Variants in SEMA5A observed in about 807,000 individuals in gnomAD.
SEMA5A encodes the protein semaphorin-5A.
In SEMA5A, 55 loss-of-function variants were observed where a neutral mutation model predicts 135.5. That is an observed-to-expected ratio of 0.41 (90% CI 0.33 to 0.51). SEMA5A has a LOEUF of 0.51. Among genes scored for constraint, SEMA5A ranks in the 20% least tolerant of loss-of-function variants. The probability of loss-of-function intolerance (pLI) is 0.37; values close to 1 mark genes in which losing one functional copy is unlikely to be tolerated. For missense variants in SEMA5A, 1,290 were observed against 1,419.9 expected, an observed-to-expected ratio of 0.91 and a Z score of 1.47; for synonymous variants, 580 against 546.5, an observed-to-expected ratio of 1.06 and a Z score of -0.85.
At chr5:9,438,106 G>A (rs1396612488) in intron 1 of SEMA5A, among the ~76,000 whole-genome samples, 1 of 152,162 alleles carries the variant, frequency 6.6e-6, no homozygotes, top group Non-Finnish European at 1.5e-5. Flanking sequence ...GTTAACAGAT[G>A]AAATAACTCT....
rs1355920860 is a variant in SEMA5A at position 9,384,998 on chromosome 5, T to C, written c.-77-4975A>G. Among the ~76,000 whole-genome samples the C allele has an allele frequency of 3.9e-5, 6 of 152,184 alleles. No homozygotes were observed. In the East Asian group the frequency reaches 1.2e-3, roughly 29 times the overall value. ...AGTTCTATCATCATTCAACCAACTC[T>C]AGAAAAATAAAAATATATTACGTGA... On this transcript the variant is annotated intron_variant, in intron 2 of 22. Coordinates refer to ENST00000382496, the MANE Select transcript of SEMA5A (RefSeq NM_003966.3).
chr5:9,525,218 A>G (rs1038718567), intron 1 of SEMA5A, among the ~76,000 whole-genome samples: 21 of 152,216 alleles, frequency 1.4e-4, no homozygotes, highest in African/African-American at 5.1e-4. Context: ...TCACGCTACA[A>G]CAGCAGAACT....
At chr5:9,187,446 G>A in intron 11 of SEMA5A, among the ~76,000 whole-genome samples, 1 of 152,152 alleles carries the variant, frequency 6.6e-6, no homozygotes, top group East Asian at 1.9e-4. Flanking sequence ...TTTTGTACCT[G>A]CCCTGGGTCA....
At position 9,347,740 on chromosome 5, in the gene SEMA5A, G is replaced by C. The variant is rs572700437; in HGVS notation, c.125-9928C>G. 4.3e-4 allele frequency among the ~76,000 whole-genome samples: 65 copies of C among 152,240 alleles called. 1 individual carries two copies. In the South Asian group the frequency reaches 0.01, roughly 24 times the overall value. ...GGCTGCTGGGGCAGGCGGCAGACAGGCTTCATGTCCAGAAGGGACTCCTGT... is the reference window on the plus strand; with the variant it reads ...GGCTGCTGGGGCAGGCGGCAGACAGCCTTCATGTCCAGAAGGGACTCCTGT... On this transcript the variant is annotated intron_variant, in intron 3 of 22. Coordinates refer to ENST00000382496, the MANE Select transcript of SEMA5A (RefSeq NM_003966.3).
At chr5:9,202,895 C>A (rs916340495) in intron 8 of SEMA5A, among the ~76,000 whole-genome samples, 1 of 152,006 alleles carries the variant, frequency 6.6e-6, no homozygotes. Flanking sequence ...CTGGGTAAAC[C>A]ATTTAGAGGA....
intron 3 of SEMA5A, among the ~76,000 whole-genome samples, chr5:9,371,066 C>A (rs1215274969): frequency 6.6e-6 from 1 of 152,122 alleles, no homozygotes; most frequent in Non-Finnish European, 1.5e-5. Context: ...AATCCTTATT[C>A]CCAGTTTTAA....
chr5:9,120,019 CTG>C, intron 14 of SEMA5A, among the ~76,000 whole-genome samples: 1 of 152,010 alleles, frequency 6.6e-6, no homozygotes, highest in Non-Finnish European at 1.5e-5. Context: ...TGTATTCAGA[CTG>C]GTTATAATTT....
At chr5:9,385,618 G>A (rs1173844099) in intron 2 of SEMA5A, among the ~76,000 whole-genome samples, 1 of 152,114 alleles carries the variant, frequency 6.6e-6, no homozygotes, top group Non-Finnish European at 1.5e-5. Flanking sequence ...TAGTGAGGTG[G>A]CCTCAGAGAT....
chr5:9,157,460 G>T (rs577282169), intron 11 of SEMA5A, among the ~76,000 whole-genome samples: 1 of 152,220 alleles, frequency 6.6e-6, no homozygotes, highest in Non-Finnish European at 1.5e-5. Context: ...CTTGTCTAAG[G>T]GACAGCAGCA....
At chr5:9,141,998 T>C (rs1742089207) in intron 12 of SEMA5A, among the ~76,000 whole-genome samples, 1 of 152,222 alleles carries the variant, frequency 6.6e-6, no homozygotes. Flanking sequence ...CATGTATCAA[T>C]TCAGCACATA....
chr5:9,393,606 T>C (rs1488410120), intron 2 of SEMA5A, among the ~76,000 whole-genome samples: 1 of 152,214 alleles, frequency 6.6e-6, no homozygotes, highest in Non-Finnish European at 1.5e-5. Flanking sequence ...GACCACTTAC[T>C]GGCAATTACG....
intron 14 of SEMA5A, among the ~76,000 whole-genome samples, chr5:9,121,856 C>T (rs970756003): frequency 1.1e-4 from 17 of 152,186 alleles, no homozygotes; most frequent in Admixed American, 1.1e-3. Flanking sequence ...GACCTGGGCT[C>T]TCCTACAATT....
At chr5:9,476,126 CA>C (rs2126766371) in intron 1 of SEMA5A, among the ~76,000 whole-genome samples, 2 of 152,292 alleles carry the variant, frequency 1.3e-5, no homozygotes, top group Non-Finnish European at 2.9e-5. Context: ...AAAGGCCGTA[CA>C]TTACTCTGTG....
At chr5:9,313,510 C>G (rs1334435340) in intron 5 of SEMA5A, among the ~76,000 whole-genome samples, 1 of 152,124 alleles carries the variant, frequency 6.6e-6, no homozygotes, top group Non-Finnish European at 1.5e-5. Context: ...TACTAAGGGA[C>G]AGAAACTTGT....
At chr5:9,289,310 A>G (rs1750955241) in intron 5 of SEMA5A, among the ~76,000 whole-genome samples, 1 of 152,234 alleles carries the variant, frequency 6.6e-6, no homozygotes, top group African/African-American at 2.4e-5. Flanking sequence ...TAGTGCAATA[A>G]TTTATGATAG....
Position 9,119,071 on chromosome 5 carries a change from GCACCTGGAAGCCGATCC to G in SEMA5A, c.1835_1851del (p.Gly612AlafsTer29). On this transcript the variant is annotated frameshift_variant, in exon 15 of 23. Coordinates refer to ENST00000382496, the MANE Select transcript of SEMA5A (RefSeq NM_003966.3). LOFTEE classifies it high-confidence loss of function. Reference sequence around the variant, plus strand: ...GTGGGGTTGCTGCAGGAGCGCTGCCGCACCTGGAAGCCGATCCCACAGGTAGTGCTGCAGGGAGACCA... The same window carrying G: ...GTGGGGTTGCTGCAGGAGCGCTGCCGCACAGGTAGTGCTGCAGGGAGACCA... 6.2e-7 allele frequency: 1 copy of G among 1,613,596 alleles called. No individual in the cohort carries two copies. Among genetic ancestry groups the G allele is most frequent in the Non-Finnish European group, 8.5e-7 (1 of 1,179,886 alleles).
At chr5:9,459,950 C>T (rs1041219888) in intron 1 of SEMA5A, among the ~76,000 whole-genome samples, 6 of 152,098 alleles carry the variant, frequency 3.9e-5, no homozygotes, top group Admixed American at 3.3e-4. Context: ...TTTCCATTTA[C>T]AATTCTGCAG....
intron 8 of SEMA5A, among the ~76,000 whole-genome samples, chr5:9,212,931 A>G (rs542781585): frequency 2.3e-4 from 35 of 152,344 alleles, no homozygotes; most frequent in Non-Finnish European, 3.5e-4. Context: ...TCGGCAGCTT[A>G]TAAACAACCA....
intron 15 of SEMA5A, among the ~76,000 whole-genome samples, chr5:9,111,626 A>T (rs1286753189): frequency 6.6e-6 from 1 of 152,188 alleles, no homozygotes; most frequent in Non-Finnish European, 1.5e-5. Context: ...AAGCCACACC[A>T]GGATCTGCTG....
Sources: allele counts gnomAD v4.1 joint callset (sites outside exome capture counted in the v4.1 genomes callset), GRCh38; gene constraint gnomAD v4.1.1; transcripts MANE v1.5; gene names NCBI Gene and HGNC (gene_info 2026-07-23, HGNC 2026-07-21).